The following GAB2 variants were observed in gnomAD, a reference collection of about 807,000 sequenced individuals.
GAB2 encodes GRB2 associated binding protein 2.
In GAB2, 26 loss-of-function variants were observed where a neutral mutation model predicts 65.5. That is an observed-to-expected ratio of 0.40 (90% CI 0.29 to 0.55). The LOEUF (loss-of-function observed/expected upper bound fraction) is 0.55, where lower values mean the gene tolerates loss of function less well. Ranked by LOEUF, GAB2 falls within the 20% of genes least tolerant of loss-of-function variation. The probability of loss-of-function intolerance (pLI) is 0.53; values close to 1 mark genes in which losing one functional copy is unlikely to be tolerated. For synonymous variants in GAB2, 321 were observed against 329.6 expected (o/e 0.97, Z 0.28); for missense variants, 884 against 875.8 (o/e 1.01, Z -0.12).
chr11:78,225,157 C>T lies in GAB2; in HGVS notation c.1253G>A (p.Ser418Asn), dbSNP rs1864590484. The stretch of plus-strand genomic sequence containing the variant: ...CATGGATTCAGCAGACCGGCCTGCA[C>T]TCTCTCCACCACGCTGTGGGTACTC... ...TYEYPQRGGE[S>N]AGRSAESMSD... The change falls in exon 5 of 10, where the codon AGT becomes AAT. Residue 418 changes from serine to asparagine, a missense_variant. Transcript: ENST00000361507. The T allele has an allele frequency of 6.2e-7, 1 of 1,613,620 alleles. No individual in the cohort carries two copies. The highest frequency in any genetic ancestry group is 1.3e-5 in the African/African-American group (1 of 74,924).
At chr11:78,395,281 G>A (rs903673377) in intron 1 of GAB2, among the ~76,000 whole-genome samples, 10 of 152,202 alleles carry the variant, frequency 6.6e-5, no homozygotes, top group Non-Finnish European at 1.2e-4. Context: ...CGGTGAAACC[G>A]TGTCTCTACT....
chr11:78,283,693 A>T (rs1866393238), intron 1 of GAB2, among the ~76,000 whole-genome samples: 1 of 151,860 alleles, frequency 6.6e-6, no homozygotes, highest in East Asian at 1.9e-4. Flanking sequence ...ATCTCTCTTG[A>T]TCTCTCTCCA....
intron 1 of GAB2, among the ~76,000 whole-genome samples, chr11:78,336,639 T>C (rs1330822818): frequency 2.0e-5 from 3 of 152,082 alleles, no homozygotes; most frequent in South Asian, 4.1e-4. Flanking sequence ...AAATAGATAA[T>C]AGTTAGAATT....
intron 2 of GAB2, among the ~76,000 whole-genome samples, chr11:78,279,960 C>G (rs2037970465): frequency 6.6e-6 from 1 of 152,196 alleles, no homozygotes; most frequent in African/African-American, 2.4e-5. Context: ...TGCTCTTCAA[C>G]CATCCCAGAG....
intron 1 of GAB2, among the ~76,000 whole-genome samples, chr11:78,392,947 A>G (rs1340546413): frequency 1.3e-5 from 2 of 152,146 alleles, no homozygotes; most frequent in African/African-American, 4.8e-5. Flanking sequence ...TTCTGTACCT[A>G]TGTGCCAAAC....
At chr11:78,273,471 G>A (rs1866078146) in intron 2 of GAB2, among the ~76,000 whole-genome samples, 1 of 152,236 alleles carries the variant, frequency 6.6e-6, no homozygotes, top group Non-Finnish European at 1.5e-5. Flanking sequence ...CATGGGGCCT[G>A]TAGCCCCTTT....
intron 2 of GAB2, among the ~76,000 whole-genome samples, chr11:78,265,295 C>T (rs1382231143): frequency 1.3e-5 from 2 of 151,640 alleles, no homozygotes; most frequent in East Asian, 3.9e-4. Context: ...ATTTAAAACA[C>T]AAAAGTCAGG....
At chr11:78,340,566 A>G (rs1040569456) in intron 1 of GAB2, among the ~76,000 whole-genome samples, 1 of 151,342 alleles carries the variant, frequency 6.6e-6, no homozygotes, top group African/African-American at 2.4e-5. Flanking sequence ...GGGAAAGCTT[A>G]TATCTGTCTC....
intron 1 of GAB2, among the ~76,000 whole-genome samples, chr11:78,329,191 A>G (rs1855874150): frequency 6.6e-6 from 1 of 152,134 alleles, no homozygotes; most frequent in South Asian, 2.1e-4. Flanking sequence ...GAAATTTTTC[A>G]TTTAAAAATG....
intron 1 of GAB2, among the ~76,000 whole-genome samples, chr11:78,292,027 TGTGAGA>T (rs1189162163): frequency 1.4e-4 from 20 of 141,694 alleles, no homozygotes; most frequent in East Asian, 2.3e-4. Flanking sequence ...TGTGTGTGTG[TGTGAGA>T]GAGAGAGAGT....
intron 1 of GAB2, among the ~76,000 whole-genome samples, chr11:78,398,491 T>C (rs533563782): frequency 2.6e-5 from 4 of 152,296 alleles, no homozygotes; most frequent in Admixed American, 1.3e-4. Context: ...GAAAAACAGA[T>C]AGATGAAATG....
Position 78,226,609 on chromosome 11 carries a change from G to A in GAB2, c.1063C>T (p.Pro355Ser), listed in dbSNP as rs61758968. Residue 355 changes from proline (P) to serine (S), a missense_variant, in exon 4 of 10, where the codon CCC becomes TCC. Transcript: ENST00000361507. ...GDSAIAPPPR[P>S]PKPSQAETPR... is the part of the protein sequence containing the mutation. The stretch of plus-strand genomic sequence containing the variant: ...GTTTCTGCCTGACTTGGCTTGGGGG[G>A]GCGGGGTGGGGGAGCTATGGCTGAG... The A allele has an allele frequency of 6.2e-7, 1 of 1,612,068 alleles. No homozygotes were observed.
rs1857218408 is a variant in GAB2 at position 78,417,708 on chromosome 11, CGCCGCCGCTCAT to C, written c.1_12del (p.MetSerGlyGly1_?4). On this transcript the variant is annotated start_lost and inframe_deletion, in exon 1 of 10. Coordinates refer to ENST00000361507, the MANE Select transcript of GAB2 (RefSeq NM_080491.3). The stretch of plus-strand genomic sequence containing the variant: ...AGCCAGCCGGTGCACACCACGTCGC[CGCCGCCGCTCAT>C]GCTGCCGGCCTGGAGCCCCCCGCCG... The C allele has an allele frequency of 1.5e-6, 2 of 1,342,758 alleles. No homozygotes were observed. The highest frequency in any genetic ancestry group is 1.5e-5 in the African/African-American group (1 of 64,822). The allele number at this position is 1,342,758 out of a possible 1,614,324, so 83.2% of individuals were successfully genotyped here.
chr11:78,277,068 C>T lies in GAB2; in HGVS notation c.376+3533G>A, dbSNP rs142463557. On this transcript the variant is annotated intron_variant, in intron 2 of 9. Coordinates refer to ENST00000361507, the MANE Select transcript of GAB2 (RefSeq NM_080491.3). Reference sequence around the variant, plus strand: ...TCCTAACCTTGTGATCTGCCCACCTCGGCCTCCCAAAGTGCTGGGATTACA... The same window carrying T: ...TCCTAACCTTGTGATCTGCCCACCTTGGCCTCCCAAAGTGCTGGGATTACA... Among the ~76,000 whole-genome samples the T allele has an allele frequency of 4.6e-3, 694 of 152,190 alleles. 2 individuals carry two copies. Among genetic ancestry groups the T allele is most frequent in the African/African-American group, 0.015 (643 of 41,520 alleles).
intron 2 of GAB2, among the ~76,000 whole-genome samples, chr11:78,251,375 C>G (rs1372186495): frequency 6.6e-6 from 1 of 152,206 alleles, no homozygotes; most frequent in African/African-American, 2.4e-5. Context: ...GTCATTTTCC[C>G]TCTTATCTCA....
chr11:78,366,554 C>A (rs1282468150), intron 1 of GAB2, among the ~76,000 whole-genome samples: 2 of 121,808 alleles, frequency 1.6e-5, no homozygotes, highest in Non-Finnish European at 3.2e-5. Flanking sequence ...CCACTGTATT[C>A]CAGGCTGGGC....
intron 1 of GAB2, among the ~76,000 whole-genome samples, chr11:78,408,813 T>TG (rs1201082643): frequency 6.6e-6 from 1 of 152,186 alleles, no homozygotes; most frequent in African/African-American, 2.4e-5. Context: ...CTCTTCCTCC[T>TG]GCTCCAGCCA....
At chr11:78,246,466 G>A (rs548706976) in intron 3 of GAB2, among the ~76,000 whole-genome samples, 1 of 151,900 alleles carries the variant, frequency 6.6e-6, no homozygotes, top group East Asian at 1.9e-4. Flanking sequence ...GTAGATGCTG[G>A]GTTCTGTTAT....
chr11:78,219,234 G>A lies in GAB2; in HGVS notation c.*38C>T, dbSNP rs923042940. 1 of 1,601,434 alleles carries A rather than the reference G, an allele frequency of 6.2e-7. No homozygotes were observed. The highest frequency in any genetic ancestry group is 8.5e-7 in the Non-Finnish European group (1 of 1,171,914). On this transcript the variant is annotated 3_prime_UTR_variant, in exon 10 of 10. Transcript: ENST00000361507. ...AGGGGAGATGGGAAGGGCCAGCTCT[G>A]GAGATGCTGCCTCCTGGGCTCTGCG... is the stretch of plus-strand genomic sequence containing the variant.
Sources: gnomAD v4.1 joint callset for allele counts (sites outside exome capture counted in the v4.1 genomes callset) on GRCh38, gnomAD v4.1.1 for gene constraint, MANE v1.5 for transcripts, NCBI Gene and HGNC (gene_info 2026-07-23, HGNC 2026-07-21) for gene names.